The following CFAP77 variants were observed in gnomAD, a reference collection of about 807,000 sequenced individuals.
CFAP77 encodes cilia and flagella associated protein 77.
In CFAP77, 25 loss-of-function variants were observed where a neutral mutation model predicts 31.1. The ratio of observed to expected loss-of-function variants is 0.80; its 90% CI spans 0.59 to 1.12. CFAP77 has a LOEUF of 1.12. CFAP77 is among the 50% of genes most tolerant of loss of function. The pLI, the probability that CFAP77 is intolerant of heterozygous loss-of-function variation, is 0.00. For missense variants in CFAP77, 377 were observed against 397.3 expected (o/e 0.95, Z 0.44); for synonymous variants, 151 against 159.9 (o/e 0.94, Z 0.42).
At chr9:132,524,751 C>T (rs1385771738) in intron 3 of CFAP77, among the ~76,000 whole-genome samples, 1 of 151,834 alleles carries the variant, frequency 6.6e-6, no homozygotes, top group Non-Finnish European at 1.5e-5. Flanking sequence ...CGGGTTCACA[C>T]CATTCTCCTG....
At chr9:132,451,337 TTA>T (rs1491585947) in intron 1 of CFAP77, among the ~76,000 whole-genome samples, 85 of 110,166 alleles carry the variant, frequency 7.7e-4, no homozygotes, top group African/African-American at 3.5e-3. Context: ...AAACTCCATC[TTA>T]AAAAAAAAAA....
At position 132,545,349 on chromosome 9, in the gene CFAP77, C is replaced by T. The variant is rs1852714529; in HGVS notation, c.732+2302C>T. Among the ~76,000 whole-genome samples, 1 of 152,206 alleles carries T rather than the reference C, an allele frequency of 6.6e-6. No individual in the cohort carries two copies. The highest frequency in any genetic ancestry group is 1.5e-5 in the Non-Finnish European group (1 of 68,038). On this transcript the variant is annotated intron_variant, in intron 5 of 5. Coordinates refer to ENST00000393216, the MANE Select transcript of CFAP77 (RefSeq NM_001282957.2). This position sits in a 1 kb window ranked among gnomAD's most constrained non-coding sequence, Gnocchi z 4.6. The stretch of plus-strand genomic sequence containing the variant: ...TGAAAGGCAGAGGGGGAGCACCTTC[C>T]TTGCCCAGAGAGTGGCGGGGACAGG...
chr9:132,507,151 C>G (rs1295446675), intron 3 of CFAP77, among the ~76,000 whole-genome samples: 2 of 152,230 alleles, frequency 1.3e-5, no homozygotes, highest in Non-Finnish European at 2.9e-5. Context: ...CTGATAAACT[C>G]AAACTTCTTG....
At chr9:132,438,541 A>ATATATATATATTTTTTTTTT in intron 1 of CFAP77, among the ~76,000 whole-genome samples, 7 of 108,150 alleles carry the variant, frequency 6.5e-5, no homozygotes, top group African/African-American at 2.9e-4. Flanking sequence ...ATATATATAT[A>ATATATATATATTTTTTTTTT]TTTTTTTTTT....
Position 132,519,696 on chromosome 9 carries a change from ATGGG to A in CFAP77, c.525-17891_525-17888del, listed in dbSNP as rs1405734011. ...GATGGATGGATGAGTGGGTGGGTGG[ATGGG>A]TGGGTGGGTGGGTAGATGGATGAAT... On this transcript the variant is annotated intron_variant, in intron 3 of 5. Transcript: ENST00000393216. 1.6e-3 allele frequency among the ~76,000 whole-genome samples: 57 copies of A among 34,742 alleles called. 1 individual carries two copies. Among genetic ancestry groups the A allele is most frequent in the African/African-American group, 2.8e-3 (22 of 7,930 alleles). The allele number at this position is 34,742 out of a possible 152,430, so 22.8% of individuals were successfully genotyped here.
Position 132,555,802 on chromosome 9 carries a change from C to T in CFAP77, c.732+12755C>T, listed in dbSNP as rs148032835. ...GTTGTCTTGTCAGAGAAGCAGAAAG[C>T]AGCAAATGAGATCTCCGCGTTGTGA... is the stretch of plus-strand genomic sequence containing the variant. On this transcript the variant is annotated intron_variant, in intron 5 of 5. Coordinates refer to ENST00000393216, the MANE Select transcript of CFAP77 (RefSeq NM_001282957.2). 4.8e-3 allele frequency among the ~76,000 whole-genome samples: 724 copies of T among 152,270 alleles called. 7 individuals are homozygous for T. Among genetic ancestry groups the T allele is most frequent in the African/African-American group, 0.016 (670 of 41,554 alleles).
chr9:132,572,317 C>T (rs757953764), intron 5 of CFAP77, 71 bp from the exon 6 acceptor site: 13 of 1,512,746 alleles, frequency 8.6e-6, no homozygotes, highest in East Asian at 4.7e-5. Flanking sequence ...AGGGGGCAGG[C>T]GAGGGGAGCA....
chr9:132,415,290 C>A (rs1306946726), intron 1 of CFAP77, among the ~76,000 whole-genome samples: 1 of 151,958 alleles, frequency 6.6e-6, no homozygotes, highest in Admixed American at 6.6e-5. Flanking sequence ...CTTTTTTCTT[C>A]TTTTTAAACC....
At chr9:132,484,971 C>A (rs1393963112) in intron 1 of CFAP77, among the ~76,000 whole-genome samples, 1 of 152,050 alleles carries the variant, frequency 6.6e-6, no homozygotes, top group Non-Finnish European at 1.5e-5. Flanking sequence ...GCCTCAACCT[C>A]CCCTGTAGCT....
At chr9:132,469,128 G>T (rs146152201) in intron 1 of CFAP77, among the ~76,000 whole-genome samples, 1,560 of 151,642 alleles carry the variant, frequency 0.01, 24 homozygotes, top group African/African-American at 0.036. Flanking sequence ...GGGGGTGGGG[G>T]GACCCAGCAC....
chr9:132,468,757 T>G (rs1474321924), intron 1 of CFAP77, among the ~76,000 whole-genome samples: 1 of 150,760 alleles, frequency 6.6e-6, no homozygotes, highest in African/African-American at 2.4e-5. Context: ...AGGTGCTCGG[T>G]TGGTATCTTT....
rs143837064 is a variant in CFAP77, at chr9:132,511,346, C to T, written c.524+11746C>T. ...GGATGCTCGTTCCCACCTTGCCTGG[C>T]GGAGGCCTCACCGTCCTTCAGACAC... On this transcript the variant is annotated intron_variant, in intron 3 of 5. Coordinates refer to ENST00000393216, the MANE Select transcript of CFAP77 (RefSeq NM_001282957.2). The surrounding 1 kb of genome is among the most constrained non-coding windows in gnomAD (Gnocchi z 5.8). Among the ~76,000 whole-genome samples, 130 of 152,276 alleles carry T rather than the reference C, an allele frequency of 8.5e-4. No homozygotes were observed. Among genetic ancestry groups the T allele is most frequent in the Middle Eastern group, 3.4e-3 (1 of 294 alleles).
chr9:132,473,722 C>T (rs1851301369), intron 1 of CFAP77, among the ~76,000 whole-genome samples: 1 of 152,166 alleles, frequency 6.6e-6, no homozygotes. Context: ...TCACTCTTGT[C>T]ACCCAGGCTG....
At chr9:132,563,642 T>C (rs1829851729) in intron 5 of CFAP77, among the ~76,000 whole-genome samples, 1 of 152,264 alleles carries the variant, frequency 6.6e-6, no homozygotes, top group African/African-American at 2.4e-5. Flanking sequence ...GGCATGTATG[T>C]AAACGTGGAC....
intron 5 of CFAP77, among the ~76,000 whole-genome samples, chr9:132,560,989 C>T (rs1465817300): frequency 6.6e-6 from 1 of 152,146 alleles, no homozygotes; most frequent in African/African-American, 2.4e-5. Context: ...AAATGAGAGC[C>T]AGTGGCAGAA....
At chr9:132,525,845 T>C (rs1003383284) in intron 3 of CFAP77, among the ~76,000 whole-genome samples, 1 of 152,238 alleles carries the variant, frequency 6.6e-6, no homozygotes, top group Admixed American at 6.5e-5. Context: ...TTGGCCTTTT[T>C]TGCTCTGCAT....
rs62578564 is a variant in CFAP77 at position 132,458,344 on chromosome 9, G to T, written c.196-40351G>T. Among the ~76,000 whole-genome samples the T allele has an allele frequency of 6.3e-3, 576 of 91,934 alleles. 5 individuals are homozygous for T. Among genetic ancestry groups the T allele is most frequent in the East Asian group, 0.016 (42 of 2,580 alleles). The allele number at this position is 91,934 out of a possible 152,430, so 60.3% of individuals were successfully genotyped here. ...CCTCTCCACCTTTGTCTCCCTGGCG[G>T]GGGAGGGGGGGGGGTGTGTATGGAA... On this transcript the variant is annotated intron_variant, in intron 1 of 5. Transcript: ENST00000393216.
At chr9:132,541,142 G>A (rs550143940) in intron 4 of CFAP77, among the ~76,000 whole-genome samples, 1 of 152,306 alleles carries the variant, frequency 6.6e-6, no homozygotes, top group South Asian at 2.1e-4. Flanking sequence ...TCCTCCTCAA[G>A]CCTGTAAGCA....
At chr9:132,450,062 G>A (rs535032782) in intron 1 of CFAP77, among the ~76,000 whole-genome samples, 143 of 151,922 alleles carry the variant, frequency 9.4e-4, no homozygotes, top group South Asian at 1.7e-3. Context: ...ACTGGTGCCC[G>A]CCACCATGCC....
Sources: allele counts gnomAD v4.1 joint callset (sites outside exome capture counted in the v4.1 genomes callset), GRCh38; gene constraint gnomAD v4.1.1; non-coding constraint Gnocchi (gnomAD v3.1); transcripts MANE v1.5; gene names NCBI Gene and HGNC (gene_info 2026-07-23, HGNC 2026-07-21).